NTNG1: variants seen among roughly 807,000 people sequenced by gnomAD.
The protein encoded by NTNG1 is netrin-G1.
Under a neutral mutation model 54.0 loss-of-function variants are expected in NTNG1, and 16 were observed. The ratio of observed to expected loss-of-function variants is 0.30; its 90% CI spans 0.20 to 0.45. NTNG1 has a LOEUF of 0.45. NTNG1 is among the 20% of genes least tolerant of loss of function. The probability of loss-of-function intolerance (pLI) is 1.00; values close to 1 mark genes in which losing one functional copy is unlikely to be tolerated. For synonymous variants in NTNG1, 255 were observed against 263.1 expected, an observed-to-expected ratio of 0.97 and a Z score of 0.30; for missense variants, 530 against 678.7, an observed-to-expected ratio of 0.78 and a Z score of 2.43.
chr1:107,215,904 A>C (rs1181200142), intron 2 of NTNG1, among the ~76,000 whole-genome samples: 2 of 151,636 alleles, frequency 1.3e-5, no homozygotes, highest in African/African-American at 4.9e-5. Context: ...ATTGTCTTGC[A>C]GCTATTGTAA....
chr1:107,281,749 T>C (rs1664872620), intron 2 of NTNG1, among the ~76,000 whole-genome samples: 1 of 152,142 alleles, frequency 6.6e-6, no homozygotes, highest in Non-Finnish European at 1.5e-5. Context: ...TGCATATCAA[T>C]ATTTGCTAAC....
Position 107,424,815 on chromosome 1 carries a change from A to G in NTNG1, c.1088-5935A>G, listed in dbSNP as rs688897. Among the ~76,000 whole-genome samples, 709 of 152,222 alleles carry G rather than the reference A, an allele frequency of 4.7e-3. 2 individuals are homozygous for G. Among genetic ancestry groups the G allele is most frequent in the African/African-American group, 0.016 (678 of 41,550 alleles). On this transcript the variant is annotated intron_variant, in intron 5 of 7. Coordinates refer to ENST00000370068, the MANE Select transcript of NTNG1 (RefSeq NM_001113226.3). Reference sequence around the variant, plus strand: ...ACTCTGAAGGGAGTCTCACTAATTAATTGGGGAGTCAGTCCACCCTGGAAA... The same window carrying G: ...ACTCTGAAGGGAGTCTCACTAATTAGTTGGGGAGTCAGTCCACCCTGGAAA...
At chr1:107,244,904 T>C (rs933631324) in intron 2 of NTNG1, among the ~76,000 whole-genome samples, 2 of 152,192 alleles carry the variant, frequency 1.3e-5, no homozygotes, top group African/African-American at 4.8e-5. Flanking sequence ...CCCCAAGTCC[T>C]GAAAGGGAAA....
intron 7 of NTNG1, among the ~76,000 whole-genome samples, chr1:107,447,200 T>C (rs1395462505): frequency 6.6e-6 from 1 of 152,134 alleles, no homozygotes; most frequent in Non-Finnish European, 1.5e-5. Flanking sequence ...TCTTTTTAAT[T>C]AGTATTGTTG....
At chr1:107,229,906 G>T (rs1381894864) in intron 2 of NTNG1, among the ~76,000 whole-genome samples, 3 of 152,058 alleles carry the variant, frequency 2.0e-5, no homozygotes, top group African/African-American at 7.3e-5. Context: ...TATTTCCTGA[G>T]CAGAGTTGCT....
intron 2 of NTNG1, among the ~76,000 whole-genome samples, chr1:107,193,163 G>T (rs894160409): frequency 6.6e-6 from 1 of 151,904 alleles, no homozygotes; most frequent in Non-Finnish European, 1.5e-5. Flanking sequence ...TTCTCCCCAG[G>T]TATTCTTCTT....
At chr1:107,235,101 A>G (rs1289551609) in intron 2 of NTNG1, among the ~76,000 whole-genome samples, 1 of 152,102 alleles carries the variant, frequency 6.6e-6, no homozygotes, top group Non-Finnish European at 1.5e-5. Flanking sequence ...AGGTTAGGTA[A>G]TTTTCCCAGG....
intron 3 of NTNG1, among the ~76,000 whole-genome samples, chr1:107,371,188 T>A (rs1438093132): frequency 6.6e-6 from 1 of 152,098 alleles, no homozygotes; most frequent in Non-Finnish European, 1.5e-5. Flanking sequence ...TGAGTTTTGC[T>A]AAATGTTTTT....
intron 2 of NTNG1, among the ~76,000 whole-genome samples, chr1:107,242,012 C>T (rs775792918): frequency 6.6e-6 from 1 of 152,132 alleles, no homozygotes; most frequent in African/African-American, 2.4e-5. Flanking sequence ...GTGGCTCATA[C>T]CTGTAATCCC....
intron 3 of NTNG1, among the ~76,000 whole-genome samples, chr1:107,376,740 A>G (rs562160567): frequency 6.6e-6 from 1 of 152,272 alleles, no homozygotes; most frequent in South Asian, 2.1e-4. Flanking sequence ...CTGACATAGT[A>G]TCTCGAGTGA....
intron 2 of NTNG1, among the ~76,000 whole-genome samples, chr1:107,275,510 A>G (rs1235147282): frequency 6.6e-6 from 1 of 152,248 alleles, no homozygotes; most frequent in Non-Finnish European, 1.5e-5. Context: ...GGCAATGTGT[A>G]GCTCCAGTCT....
At position 107,148,335 on chromosome 1, in the gene NTNG1, GT is replaced by G; in HGVS notation, c.-257del. ...TTCTAAGACAAAGAAAAAGCTGCAA[GT>G]TGTTAACGCCTAACACACAAGTATG... On this transcript the variant is annotated 5_prime_UTR_variant, in exon 2 of 8. It introduces an in-frame stop codon into an upstream open reading frame of the 5' UTR. Coordinates refer to ENST00000370068, the MANE Select transcript of NTNG1 (RefSeq NM_001113226.3). 1 of 405,540 alleles carries G rather than the reference GT, an allele frequency of 2.5e-6. No individual in the cohort carries two copies. Among genetic ancestry groups the G allele is most frequent in the Middle Eastern group, 6.6e-4 (1 of 1,516 alleles). 25.1% of individuals were successfully genotyped at this position (405,540 alleles called of 1,614,324 possible).
intron 4 of NTNG1, among the ~76,000 whole-genome samples, chr1:107,405,912 C>T (rs1413973158): frequency 1.3e-5 from 2 of 152,094 alleles, no homozygotes. Context: ...CACACTGCAG[C>T]AGAGGTAGTC....
At chr1:107,255,514 T>C (rs1662876912) in intron 2 of NTNG1, among the ~76,000 whole-genome samples, 1 of 152,228 alleles carries the variant, frequency 6.6e-6, no homozygotes, top group Non-Finnish European at 1.5e-5. Context: ...GATTAAGTTC[T>C]TCTTTTCCTG....
chr1:107,162,382 T>G (rs1207075596), intron 2 of NTNG1, among the ~76,000 whole-genome samples: 1 of 152,180 alleles, frequency 6.6e-6, no homozygotes, highest in Non-Finnish European at 1.5e-5. Context: ...TAAGAAATCA[T>G]GTTTCTCTTA....
chr1:107,308,852 G>A (rs970637766), intron 2 of NTNG1, among the ~76,000 whole-genome samples: 11 of 151,942 alleles, frequency 7.2e-5, no homozygotes, highest in Non-Finnish European at 1.3e-4. Flanking sequence ...CACCTCTCTG[G>A]TTAGCTGTAT....
chr1:107,312,737 T>A (rs1197618068), intron 2 of NTNG1, among the ~76,000 whole-genome samples: 1 of 152,194 alleles, frequency 6.6e-6, no homozygotes, highest in Non-Finnish European at 1.5e-5. Context: ...AGGCATTTTT[T>A]ATGCACCTTA....
intron 2 of NTNG1, among the ~76,000 whole-genome samples, chr1:107,200,241 A>G (rs1658640037): frequency 6.6e-6 from 1 of 151,588 alleles, no homozygotes; most frequent in African/African-American, 2.4e-5. Flanking sequence ...TTGGTCATTC[A>G]CTCTTTGTTA....
intron 7 of NTNG1, 39 bp downstream of exon 7, chr1:107,436,838 A>C (rs1369463315): frequency 1.2e-6 from 2 of 1,604,566 alleles, no homozygotes; most frequent in African/African-American, 2.7e-5. Flanking sequence ...CTGCTGCAGC[A>C]TGGCTGATTT....
Sources: allele counts gnomAD v4.1 joint callset (sites outside exome capture counted in the v4.1 genomes callset), GRCh38; gene constraint gnomAD v4.1.1; transcripts MANE v1.5; gene names NCBI Gene and HGNC (gene_info 2026-07-23, HGNC 2026-07-21).